The following CRADD variants were observed in gnomAD, a reference collection of about 807,000 sequenced individuals.
The protein encoded by CRADD is CARD and death domain containing adaptor protein.
In CRADD, 9 loss-of-function variants were observed where a neutral mutation model predicts 15.5. The observed-to-expected ratio is 0.58, with a 90% CI of 0.35 to 1.01. CRADD has a LOEUF of 1.01. CRADD is among the 50% of genes least tolerant of loss of function. CRADD has a pLI of 0.02. For synonymous variants in CRADD, 118 were observed against 107.6 expected, an observed-to-expected ratio of 1.10 and a Z score of -0.60; for missense variants, 227 against 250.3, an observed-to-expected ratio of 0.91 and a Z score of 0.63.
chr12:93,834,383 A>G (rs541236765), intron 2 of CRADD, among the ~76,000 whole-genome samples: 1 of 152,324 alleles, frequency 6.6e-6, no homozygotes, highest in African/African-American at 2.4e-5. Context: ...AGTCAAGTAT[A>G]TAATATTTAC....
At chr12:93,756,190 C>T (rs1204491299) in intron 2 of CRADD, among the ~76,000 whole-genome samples, 1 of 152,164 alleles carries the variant, frequency 6.6e-6, no homozygotes, top group Non-Finnish European at 1.5e-5. Context: ...CCCCTTCATC[C>T]TCCAAGTGAG....
At chr12:93,724,953 C>T (rs1024094600) in intron 2 of CRADD, among the ~76,000 whole-genome samples, 7 of 151,986 alleles carry the variant, frequency 4.6e-5, no homozygotes, top group African/African-American at 9.7e-5. Context: ...CTCCGCCTCC[C>T]GGGTTCACGC....
At chr12:93,802,580 A>G (rs1253231233) in intron 2 of CRADD, among the ~76,000 whole-genome samples, 1 of 152,178 alleles carries the variant, frequency 6.6e-6, no homozygotes, top group Non-Finnish European at 1.5e-5. Flanking sequence ...TGCAAGCTCA[A>G]GAGGTGTGGG....
chr12:93,891,814 C>T (rs10859609), intron 2 of CRADD, among the ~76,000 whole-genome samples: 9,265 of 152,272 alleles, frequency 0.061, 371 homozygotes, highest in Admixed American at 0.088. Flanking sequence ...CCTCGCACTT[C>T]TCACCACACT....
rs1197934410 is a variant in CRADD at position 93,796,882 on chromosome 12, A to G, written c.299-53088A>G. On this transcript the variant is annotated intron_variant, in intron 2 of 2. Coordinates refer to ENST00000332896, the MANE Select transcript of CRADD (RefSeq NM_003805.5). ...TCTCTTCTGCCCTTGTCAGTGTCTC[A>G]CGTGCTCACGTGCATCTTAGGCTGG... Among the ~76,000 whole-genome samples the G allele has an allele frequency of 2.6e-5, 4 of 152,148 alleles. 1 individual carries two copies. Among genetic ancestry groups the G allele is most frequent in the Non-Finnish European group, 5.9e-5 (4 of 68,040 alleles).
intron 2 of CRADD, among the ~76,000 whole-genome samples, chr12:93,870,017 GA>G (rs35948486): frequency 8.7e-5 from 13 of 149,832 alleles, no homozygotes; most frequent in African/African-American, 2.0e-4. Flanking sequence ...CAAGGATAAA[GA>G]AAAAAAAATC....
chr12:93,753,617 A>G (rs917889871), intron 2 of CRADD, among the ~76,000 whole-genome samples: 1 of 152,242 alleles, frequency 6.6e-6, no homozygotes, highest in African/African-American at 2.4e-5. Flanking sequence ...TGGCCCAAAC[A>G]AAGGGGCTAC....
intron 2 of CRADD, among the ~76,000 whole-genome samples, chr12:93,788,640 G>A (rs140036800): frequency 3.3e-5 from 5 of 152,172 alleles, no homozygotes; most frequent in African/African-American, 9.7e-5. Context: ...GGTAGTTGTT[G>A]TCTAGTTGTC....
intron 2 of CRADD, among the ~76,000 whole-genome samples, chr12:93,882,354 G>A (rs1406275812): frequency 6.7e-6 from 1 of 150,050 alleles, no homozygotes; most frequent in Non-Finnish European, 1.5e-5. Flanking sequence ...CCGGGAAACG[G>A]AGGTTGCAGT....
chr12:93,720,709 T>C (rs1443183535), intron 2 of CRADD, among the ~76,000 whole-genome samples: 5 of 152,244 alleles, frequency 3.3e-5, no homozygotes, highest in Non-Finnish European at 7.3e-5. Context: ...TAGTTTGCTA[T>C]GTCTGAAATT....
chr12:93,761,611 C>G (rs894048501), intron 2 of CRADD, among the ~76,000 whole-genome samples: 1 of 152,068 alleles, frequency 6.6e-6, no homozygotes, highest in African/African-American at 2.4e-5. Flanking sequence ...TTCCCATTAT[C>G]CTGGGCTCCT....
chr12:93,696,268 A>G (rs1955704487), intron 2 of CRADD, among the ~76,000 whole-genome samples: 1 of 152,234 alleles, frequency 6.6e-6, no homozygotes, highest in Non-Finnish European at 1.5e-5. Flanking sequence ...CAGTATATCA[A>G]AGAGATAGCT....
At chr12:93,772,784 TCTGGC>T (rs1339578651) in intron 2 of CRADD, among the ~76,000 whole-genome samples, 1 of 152,230 alleles carries the variant, frequency 6.6e-6, no homozygotes, top group Non-Finnish European at 1.5e-5. Flanking sequence ...AAAGCCTGGT[TCTGGC>T]CTTCCTTTGC....
At chr12:93,881,310 T>TGGC (rs1450832352) in intron 2 of CRADD, among the ~76,000 whole-genome samples, 1 of 152,076 alleles carries the variant, frequency 6.6e-6, no homozygotes. Context: ...TTTGTTTGTT[T>TGGC]GGCAGCAGCA....
chr12:93,803,880 G>C lies in CRADD; in HGVS notation c.299-46090G>C, dbSNP rs887891549. Among the ~76,000 whole-genome samples, 4 of 152,126 alleles carry C rather than the reference G, an allele frequency of 2.6e-5. No individual in the cohort carries two copies. The East Asian group carries it at 7.7e-4, about 29-fold the overall frequency. ...CTAATCACAAGAAAACATTGGAAAA[G>C]GGAGGAAAAGAGTGGATCAGACCGA... On this transcript the variant is annotated intron_variant, in intron 2 of 2. Coordinates refer to ENST00000332896, the MANE Select transcript of CRADD (RefSeq NM_003805.5).
At chr12:93,722,081 A>G (rs1198736229) in intron 2 of CRADD, among the ~76,000 whole-genome samples, 1 of 152,192 alleles carries the variant, frequency 6.6e-6, no homozygotes, top group Non-Finnish European at 1.5e-5. Context: ...TTATTTCTCC[A>G]TCAGTTTTGA....
intron 2 of CRADD, among the ~76,000 whole-genome samples, chr12:93,886,039 A>G (rs1420821683): frequency 1.3e-5 from 2 of 152,090 alleles, no homozygotes; most frequent in Non-Finnish European, 2.9e-5. Context: ...ACTCTGCCTC[A>G]CATAAAATAA....
chr12:93,833,088 T>C (rs901768561), intron 2 of CRADD, among the ~76,000 whole-genome samples: 3 of 152,272 alleles, frequency 2.0e-5, no homozygotes, highest in Non-Finnish European at 4.4e-5. Flanking sequence ...CTTTTGCCTT[T>C]GTGGCAAAAC....
chr12:93,837,123 G>A (rs1012572258), intron 2 of CRADD, among the ~76,000 whole-genome samples: 4 of 152,180 alleles, frequency 2.6e-5, no homozygotes, highest in Non-Finnish European at 1.5e-5. Flanking sequence ...CAAGGAACCG[G>A]ATGAATGACA....
Sources: gnomAD v4.1 joint callset for allele counts (sites outside exome capture counted in the v4.1 genomes callset) on GRCh38, gnomAD v4.1.1 for gene constraint, MANE v1.5 for transcripts, NCBI Gene and HGNC (gene_info 2026-07-23, HGNC 2026-07-21) for gene names.